Variants in TAOK1 observed in about 807,000 individuals in gnomAD.
TAOK1 encodes TAO kinase 1, also known as serine/threonine-protein kinase TAO1.
In TAOK1, 21 loss-of-function variants were observed where a neutral mutation model predicts 138.3. The observed-to-expected ratio is 0.15, with a 90% CI of 0.11 to 0.22. The LOEUF is 0.22. Ranked by LOEUF, TAOK1 falls within the 10% of genes least tolerant of loss-of-function variation. The pLI, the probability that TAOK1 is intolerant of heterozygous loss-of-function variation, is 1.00. For missense variants in TAOK1, 651 were observed against 1,227.7 expected (o/e 0.53, Z 7.02); for synonymous variants, 361 against 398.4 (o/e 0.91, Z 1.12).
chr17:29,517,936 A>G (rs2031846609), intron 16 of TAOK1, among the ~76,000 whole-genome samples: 1 of 151,766 alleles, frequency 6.6e-6, no homozygotes, highest in Non-Finnish European at 1.5e-5. Flanking sequence ...GCTCAGTGCA[A>G]CCTCCACCTC....
At chr17:29,490,805 C>A (rs899667158) in intron 9 of TAOK1, among the ~76,000 whole-genome samples, 6 of 152,158 alleles carry the variant, frequency 3.9e-5, no homozygotes, top group African/African-American at 1.4e-4. Context: ...CAGGTTAGGA[C>A]CTGGTCCTCC....
In TAOK1 at chr17:29,551,429, G is replaced by T. The variant is rs1378700292; in HGVS notation, c.*8407G>T. ...AAGAACTTGTGGTCTTTTAAAACTG[G>T]GACTGATACTTTTTTGAGAGAGTAT... is the stretch of plus-strand genomic sequence containing the variant. On this transcript the variant is annotated 3_prime_UTR_variant, in exon 20 of 20. Coordinates refer to ENST00000261716, the MANE Select transcript of TAOK1 (RefSeq NM_020791.4). 2 of 152,102 alleles carry T rather than the reference G, an allele frequency of 1.3e-5. No homozygotes were observed. Among genetic ancestry groups the T allele is most frequent in the East Asian group, 3.9e-4 (2 of 5,192 alleles). 9.4% of individuals were successfully genotyped at this position (152,102 alleles called of 1,614,324 possible).
At chr17:29,445,356 A>C (rs903365211) in intron 1 of TAOK1, 1 of 152,356 alleles carries the variant, frequency 6.6e-6, no homozygotes, top group African/African-American at 2.4e-5. Flanking sequence ...GGCCATGCTG[A>C]TCTTCTTATT....
At chr17:29,467,390 C>T (rs2030696145) in intron 3 of TAOK1, among the ~76,000 whole-genome samples, 174 bp downstream of exon 3, 1 of 152,090 alleles carries the variant, frequency 6.6e-6, no homozygotes, top group Non-Finnish European at 1.5e-5. Flanking sequence ...TCTCCTGCCT[C>T]AGCCTCCCGA....
At chr17:29,477,768 T>C in intron 5 of TAOK1, 62 bp downstream of exon 5, 1 of 1,060,734 alleles carries the variant, frequency 9.4e-7, no homozygotes, top group African/African-American at 1.7e-5. Context: ...ATTTAGACAT[T>C]ATTTAAATGA....
intron 1 of TAOK1, among the ~76,000 whole-genome samples, chr17:29,412,823 T>C (rs1178388960): frequency 6.6e-6 from 1 of 152,214 alleles, no homozygotes; most frequent in African/African-American, 2.4e-5. Context: ...TAAATGTTGA[T>C]GCTATTCCAC....
chr17:29,487,450 G>A (rs2031197791), intron 8 of TAOK1, among the ~76,000 whole-genome samples: 1 of 152,038 alleles, frequency 6.6e-6, no homozygotes, highest in Admixed American at 6.6e-5. Flanking sequence ...TTATGTACAT[G>A]TATATATTCC....
chr17:29,451,498 A>G lies in TAOK1; in HGVS notation c.-51A>G. 6.5e-7 allele frequency: 1 copy of G among 1,538,588 alleles called. No homozygotes were observed. Among genetic ancestry groups the G allele is most frequent in the Non-Finnish European group, 8.7e-7 (1 of 1,143,702 alleles). On this transcript the variant is annotated 5_prime_UTR_variant, in exon 2 of 20. Coordinates refer to ENST00000261716, the MANE Select transcript of TAOK1 (RefSeq NM_020791.4). ...CTTCATTCATACAGATGAACCAAGG[A>G]TCGGGATAGCAGTATAAAATTAGAA...
intron 2 of TAOK1, among the ~76,000 whole-genome samples, chr17:29,460,177 A>G (rs896008760): frequency 6.6e-6 from 1 of 152,206 alleles, no homozygotes; most frequent in Non-Finnish European, 1.5e-5. Flanking sequence ...CATTATCCCA[A>G]TTCTAGAACT....
intron 7 of TAOK1, among the ~76,000 whole-genome samples, chr17:29,481,190 A>G (rs1259212309): frequency 4.0e-5 from 6 of 149,434 alleles, no homozygotes; most frequent in African/African-American, 1.2e-4. Context: ...TTAAGCAAAA[A>G]TTAGACTTTT....
intron 1 of TAOK1, among the ~76,000 whole-genome samples, chr17:29,434,623 C>A (rs1451125647): frequency 6.6e-5 from 10 of 152,236 alleles, no homozygotes; most frequent in African/African-American, 2.4e-4. Context: ...TTATTTGTCT[C>A]ACCTATGTCT....
intron 19 of TAOK1, among the ~76,000 whole-genome samples, chr17:29,536,026 C>T (rs2032215293): frequency 6.6e-6 from 1 of 152,116 alleles, no homozygotes; most frequent in African/African-American, 2.4e-5. Flanking sequence ...GGCACAGTGG[C>T]TCACGCCTGT....
intron 17 of TAOK1, among the ~76,000 whole-genome samples, chr17:29,526,523 C>T (rs1266512223): frequency 6.6e-6 from 1 of 152,060 alleles, no homozygotes; most frequent in Non-Finnish European, 1.5e-5. Context: ...TCAAGTGATT[C>T]TCCTGCCTCA....
At position 29,416,259 on chromosome 17, in the gene TAOK1, G is replaced by A. The variant is rs79520997; in HGVS notation, c.-95+25235G>A. On this transcript the variant is annotated intron_variant, in intron 1 of 19. Coordinates refer to ENST00000261716, the MANE Select transcript of TAOK1 (RefSeq NM_020791.4). ...AGTCTGAGTGACACAGTGAGACTCCGTTTCAAAAAATAAAAAAGATTATGT... is the reference window on the plus strand; with the variant it reads ...AGTCTGAGTGACACAGTGAGACTCCATTTCAAAAAATAAAAAAGATTATGT... 5.6e-4 allele frequency among the ~76,000 whole-genome samples: 85 copies of A among 152,026 alleles called. 1 individual carries two copies. In the East Asian group the frequency reaches 0.014, roughly 24 times the overall value.
In TAOK1 at chr17:29,510,865, C is replaced by A; in HGVS notation, c.1577C>A (p.Ala526Asp). 1 of 1,596,414 alleles carries A rather than the reference C, an allele frequency of 6.3e-7. No individual in the cohort carries two copies. Among genetic ancestry groups the A allele is most frequent in the East Asian group, 2.3e-5 (1 of 44,258 alleles). ...KKHQAAMEKE[A>D]KVMSNEEKKF... Reference sequence around the variant, plus strand: ...ATTCATTTTTTAAACTTCATATAGGCTAAAGTGATGTCCAATGAAGAGAAA... The same window carrying A: ...ATTCATTTTTTAAACTTCATATAGGATAAAGTGATGTCCAATGAAGAGAAA... Residue 526 changes from alanine (A) to aspartate (D), a missense_variant and splice_region_variant, in exon 15 of 20, where the codon GCT (alanine) becomes GAT (aspartate). Coordinates refer to ENST00000261716, the MANE Select transcript of TAOK1 (RefSeq NM_020791.4).
chr17:29,547,636 C>T lies in TAOK1; in HGVS notation c.*4614C>T, dbSNP rs2032422953. ...TCTCTTGTCTTAGATAGAAAAGAGC[C>T]TTCTCCAAGAGCAATGTCAAAACTT... On this transcript the variant is annotated 3_prime_UTR_variant, in exon 20 of 20. Transcript: ENST00000261716. The T allele has an allele frequency of 1.3e-5, 2 of 152,084 alleles. No individual in the cohort carries two copies. Among genetic ancestry groups the T allele is most frequent in the African/African-American group, 4.8e-5 (2 of 41,430 alleles). The allele number at this position is 152,084 out of a possible 1,614,324, so 9.4% of individuals were successfully genotyped here.
At chr17:29,527,617 A>G (rs570536889) in intron 17 of TAOK1, among the ~76,000 whole-genome samples, 2 of 152,332 alleles carry the variant, frequency 1.3e-5, no homozygotes, top group South Asian at 4.1e-4. Flanking sequence ...ATGTTGTAGT[A>G]TTGAGGGGAG....
chr17:29,477,400 CATT>C (rs1396489092), intron 4 of TAOK1, among the ~76,000 whole-genome samples: 1 of 151,038 alleles, frequency 6.6e-6, no homozygotes, highest in East Asian at 1.9e-4. Context: ...TATATGTTGG[CATT>C]ATTAAAAGAT....
intron 2 of TAOK1, among the ~76,000 whole-genome samples, chr17:29,464,504 A>T (rs2030609057): frequency 6.6e-6 from 1 of 151,972 alleles, no homozygotes; most frequent in Non-Finnish European, 1.5e-5. Context: ...GGTTGCACAT[A>T]TCTGCTAATG....
Sources: allele counts gnomAD v4.1 joint callset (sites outside exome capture counted in the v4.1 genomes callset), GRCh38; gene constraint gnomAD v4.1.1; transcripts MANE v1.5; gene names NCBI Gene and HGNC (gene_info 2026-07-23, HGNC 2026-07-21).